Variants in TNS1 observed in about 807,000 individuals in gnomAD.
TNS1 encodes the protein tensin-1.
Under a neutral mutation model 168.6 loss-of-function variants are expected in TNS1, and 62 were observed. The ratio of observed to expected loss-of-function variants is 0.37; its 90% CI spans 0.30 to 0.45. TNS1 has a LOEUF of 0.45. Among genes scored for constraint, TNS1 ranks in the 20% least tolerant of loss-of-function variants. TNS1 has a pLI of 1.00. For synonymous variants in TNS1, 934 were observed against 933.2 expected (o/e 1.00, Z -0.02); for missense variants, 2,240 against 2,339.4 (o/e 0.96, Z 0.88).
chr2:217,813,550 C>T lies in TNS1; in HGVS notation c.4861+135G>A. Reference sequence around the variant, plus strand: ...ATCTCTGACCTCAACCATCACCAAGCCCAAGACACCCTCTTCCGAAGAGCC... The same window carrying T: ...ATCTCTGACCTCAACCATCACCAAGTCCAAGACACCCTCTTCCGAAGAGCC... On this transcript the variant is annotated intron_variant, in intron 26 of 32. Transcript: ENST00000682258. The surrounding 1 kb of genome is among the most constrained non-coding windows in gnomAD (Gnocchi z 4.0). 1 of 1,347,558 alleles carries T rather than the reference C, an allele frequency of 7.4e-7. No individual in the cohort carries two copies. Among genetic ancestry groups the T allele is most frequent in the Non-Finnish European group, 1.0e-6 (1 of 990,562 alleles). The allele number at this position is 1,347,558 out of a possible 1,614,324, so 83.5% of individuals were successfully genotyped here.
At chr2:217,822,680 G>C (rs1943051453) in intron 22 of TNS1, among the ~76,000 whole-genome samples, 1 of 152,208 alleles carries the variant, frequency 6.6e-6, no homozygotes, top group African/African-American at 2.4e-5. Flanking sequence ...GTTCAAAACA[G>C]CCTAAGAGGG....
At chr2:217,958,552 T>C (rs1957420757) in intron 3 of TNS1, among the ~76,000 whole-genome samples, 2 of 152,226 alleles carry the variant, frequency 1.3e-5, no homozygotes, top group Non-Finnish European at 2.9e-5. Context: ...ACTAGTTCTT[T>C]ACTTCCATTT....
intron 19 of TNS1, among the ~76,000 whole-genome samples, chr2:217,844,596 T>TC (rs1381769873): frequency 6.6e-6 from 1 of 152,194 alleles, no homozygotes; most frequent in African/African-American, 2.4e-5. Flanking sequence ...TCCTATTCCA[T>TC]CTTCCAAGGC....
At chr2:217,847,146 T>C (rs1946760394) in intron 19 of TNS1, among the ~76,000 whole-genome samples, 1 of 152,184 alleles carries the variant, frequency 6.6e-6, no homozygotes. Context: ...CCTGGAAGCT[T>C]TCCCTGACTG....
rs1951888487 is a variant in TNS1 at position 217,892,954 on chromosome 2, G to A, written c.776C>T (p.Ser259Phe). ...IAAYMHYSNI[S>F]ASADQALDRF... Reference sequence around the variant, plus strand: ...GGCTCCAGGCCCCTCTTACCTGGCAGAAATGTTGCTGTAGTGCATGTAAGC... The same window carrying A: ...GGCTCCAGGCCCCTCTTACCTGGCAAAAATGTTGCTGTAGTGCATGTAAGC... The change falls in exon 11 of 33, where the codon TCT (serine) becomes TTT (phenylalanine). Residue 259 changes from serine to phenylalanine, a missense_variant. Ser to Phe is a radical substitution (Grantham distance 155). This residue lies in a region of TNS1 where 2,131 missense variants were observed against 2,171.2 expected (regional missense o/e 0.98). Coordinates refer to ENST00000682258, the MANE Select transcript of TNS1 (RefSeq NM_001387777.1). 1 of 1,614,186 alleles carries A rather than the reference G, an allele frequency of 6.2e-7. No individual in the cohort carries two copies. Among genetic ancestry groups the A allele is most frequent in the African/African-American group, 1.3e-5 (1 of 75,070 alleles).
intron 29 of TNS1, 27 bp from the exon 30 acceptor site, chr2:217,810,018 T>C: frequency 1.9e-6 from 3 of 1,605,326 alleles, no homozygotes; most frequent in Non-Finnish European, 2.6e-6. Context: ...CAAGGGGGAG[T>C]CATGGGAGCT....
chr2:217,955,005 T>A (rs901904029), intron 3 of TNS1, among the ~76,000 whole-genome samples: 1 of 152,102 alleles, frequency 6.6e-6, no homozygotes, highest in Non-Finnish European at 1.5e-5. Flanking sequence ...GGCACACTCA[T>A]GAGCTCCACC....
At position 217,808,497 on chromosome 2, in the gene TNS1, G is replaced by A. The variant is rs549456044; in HGVS notation, c.5342+106C>T. 25 of 1,083,392 alleles carry A rather than the reference G, an allele frequency of 2.3e-5. No homozygotes were observed. The South Asian group carries it at 3.1e-4, about 13-fold the overall frequency. The allele number at this position is 1,083,392 out of a possible 1,614,324, so 67.1% of individuals were successfully genotyped here. ...CAGACCTTCCAGCTGAATGGAGAAT[G>A]TATGCACATGCACACACACACACAC... On this transcript the variant is annotated intron_variant, in intron 31 of 32. Transcript: ENST00000682258.
intron 3 of TNS1, among the ~76,000 whole-genome samples, chr2:217,965,161 C>G (rs983613942): frequency 6.6e-6 from 1 of 152,160 alleles, no homozygotes; most frequent in Non-Finnish European, 1.5e-5. Context: ...TTCTGGGGCA[C>G]TTAGCTGTTT....
Position 217,848,669 on chromosome 2 carries a change from C to A in TNS1, c.1848G>T (p.Ala616=). 1 of 1,614,240 alleles carries A rather than the reference C, an allele frequency of 6.2e-7. No individual in the cohort carries two copies. The highest frequency in any genetic ancestry group is 8.5e-7 in the Non-Finnish European group (1 of 1,180,030). The stretch of plus-strand genomic sequence containing the variant: ...TGTCTGTCTCCCGCTCAGATGCTAA[C>A]GCCCCACCATTGACATGAACCTGGG... ...VPAQVHVNGG[A]LASERETDIL... The change falls in exon 19 of 33, where the codon GCG becomes GCT. Residue 616 remains alanine (A), a synonymous_variant. Transcript: ENST00000682258.
intron 30 of TNS1, among the ~76,000 whole-genome samples, chr2:217,809,525 G>A (rs1458175984): frequency 0.011 from 170 of 16,136 alleles, no homozygotes; most frequent in Middle Eastern, 0.05. Flanking sequence ...GGATGGATAG[G>A]TGCATGGATG....
intron 2 of TNS1, among the ~76,000 whole-genome samples, chr2:217,982,855 G>C (rs988830518): frequency 6.6e-6 from 1 of 152,160 alleles, no homozygotes. Flanking sequence ...CTACCTTGCT[G>C]CTTGGTGCCT....
At position 217,818,510 on chromosome 2, in the gene TNS1, G is replaced by A. The variant is rs146394470; in HGVS notation, c.3822C>T (p.Gly1274=). The A allele has an allele frequency of 4.9e-4, 786 of 1,613,740 alleles. 3 individuals are homozygous for A. In the African/African-American group the frequency reaches 7.3e-3, roughly 15 times the overall value. Reference sequence around the variant, plus strand: ...GAGGGCTCCCAGGCACCGTGTGGACGCCAGCCACACTGAACTGAGCTCGAG... The same window carrying A: ...GAGGGCTCCCAGGCACCGTGTGGACACCAGCCACACTGAACTGAGCTCGAG... ...SQARAQFSVA[G]VHTVPGSPQA... is the part of the protein sequence containing the mutation. The change falls in exon 24 of 33, where the codon GGC becomes GGT. Residue 1274 remains glycine (G), a synonymous_variant. Transcript: ENST00000682258.
intron 17 of TNS1, 163 bp from the exon 18 acceptor site, chr2:217,881,177 C>A: frequency 1.7e-6 from 1 of 602,388 alleles, no homozygotes; most frequent in Non-Finnish European, 2.9e-6. Context: ...GTGGCTTAAG[C>A]TGGACTGAGA....
intron 17 of TNS1, 51 bp downstream of exon 17, chr2:217,882,295 G>T: frequency 7.9e-7 from 1 of 1,272,326 alleles, no homozygotes; most frequent in Non-Finnish European, 1.1e-6. Flanking sequence ...CTGGGGATAG[G>T]GTCAGGATAA....
intron 3 of TNS1, among the ~76,000 whole-genome samples, chr2:217,960,657 C>A (rs988343632): frequency 1.3e-5 from 2 of 152,166 alleles, no homozygotes; most frequent in African/African-American, 4.8e-5. Flanking sequence ...GAAGGCTCAG[C>A]CTTTCCCCGC....
chr2:218,024,646 C>T (rs73080389), intron 1 of TNS1, among the ~76,000 whole-genome samples: 2,068 of 152,276 alleles, frequency 0.014, 56 homozygotes, highest in African/African-American at 0.047. Context: ...CTGCCCCACA[C>T]ATCAGCCAGC....
chr2:217,894,356 G>A (rs1316780943), intron 9 of TNS1, among the ~76,000 whole-genome samples: 1 of 152,126 alleles, frequency 6.6e-6, no homozygotes, highest in Non-Finnish European at 1.5e-5. Context: ...CGAGCAAACA[G>A]AATAAAAAGC....
At chr2:217,889,562 A>T (rs1482497117) in intron 12 of TNS1, among the ~76,000 whole-genome samples, 1 of 152,162 alleles carries the variant, frequency 6.6e-6, no homozygotes. Context: ...CTCCCCACCC[A>T]GATCTCATGT....
Sources: allele counts gnomAD v4.1 joint callset (sites outside exome capture counted in the v4.1 genomes callset), GRCh38; gene constraint gnomAD v4.1.1; regional missense constraint gnomAD v4.1.1; non-coding constraint Gnocchi (gnomAD v3.1); transcripts MANE v1.5; gene names NCBI Gene and HGNC (gene_info 2026-07-23, HGNC 2026-07-21).